Variants in PCNT observed in about 807,000 individuals in gnomAD.
PCNT encodes kendrin.
Under a neutral mutation model 380.4 loss-of-function variants are expected in PCNT, and 319 were observed. That is an observed-to-expected ratio of 0.84 (90% CI 0.77 to 0.92). PCNT has a LOEUF of 0.92. Among genes scored for constraint, PCNT ranks in the 40% least tolerant of loss-of-function variants. The probability of loss-of-function intolerance (pLI) is 0.00; values close to 1 mark genes in which losing one functional copy is unlikely to be tolerated. For missense variants in PCNT, 4,400 were observed against 4,255.3 expected (o/e 1.03, Z -0.95); for synonymous variants, 1,845 against 1,735.2 (o/e 1.06, Z -1.57).
chr21:46,434,644 C>T (rs991588328), intron 38 of PCNT, among the ~76,000 whole-genome samples: 6 of 152,212 alleles, frequency 3.9e-5, no homozygotes, highest in Admixed American at 6.5e-5. Context: ...CTTGCTGACA[C>T]GCTTCTCCCG....
chr21:46,382,217 A>G (rs1216486017), intron 16 of PCNT, among the ~76,000 whole-genome samples: 1 of 145,788 alleles, frequency 6.9e-6, no homozygotes, highest in Admixed American at 6.9e-5. Flanking sequence ...GCGGAAGCGC[A>G]TTCATAGTGT....
intron 16 of PCNT, among the ~76,000 whole-genome samples, chr21:46,385,408 A>G (rs538263092): frequency 8.7e-4 from 132 of 152,362 alleles, no homozygotes; most frequent in South Asian, 2.9e-3. Flanking sequence ...ATGACCAGAT[A>G]CAGTGACTTA....
rs1321867953 is a variant in PCNT, at chr21:46,411,547, A to G, written c.5474A>G (p.Gln1825Arg). 1.2e-6 allele frequency: 2 copies of G among 1,611,486 alleles called. No individual in the cohort carries two copies. Among genetic ancestry groups the G allele is most frequent in the South Asian group, 1.1e-5 (1 of 91,056 alleles). ...CTGGAGGCCCTGCAGCAGCGCCTCC[A>G]GGGCGCAGAGGAGGCTGCGGAGCTA... ...QALEALQQRL[Q>R]GAEEAAELQL... Residue 1825 changes from glutamine to arginine, a missense_variant, in exon 28 of 47, where the codon CAG becomes CGG. Coordinates refer to ENST00000359568, the MANE Select transcript of PCNT (RefSeq NM_006031.6).
chr21:46,377,034 C>T lies in PCNT; in HGVS notation c.3166-4660C>T, dbSNP rs188814143. 1.9e-3 allele frequency among the ~76,000 whole-genome samples: 283 copies of T among 152,284 alleles called. 1 individual carries two copies. The highest frequency in any genetic ancestry group is 0.017 in the Middle Eastern group (5 of 294). ...CCTGGCACCTCAGCAAGTTCCAGGC[C>T]GGCGCGGGGGGCACCCGATCCTTTA... is the stretch of plus-strand genomic sequence containing the variant. On this transcript the variant is annotated intron_variant, in intron 15 of 46. Coordinates refer to ENST00000359568, the MANE Select transcript of PCNT (RefSeq NM_006031.6).
chr21:46,440,418 G>A (rs905276679), intron 42 of PCNT, among the ~76,000 whole-genome samples: 30 of 152,360 alleles, frequency 2.0e-4, no homozygotes, highest in African/African-American at 6.3e-4. Context: ...AGCGTGGAAC[G>A]TGGAAGGCTT....
intron 27 of PCNT, among the ~76,000 whole-genome samples, chr21:46,406,150 C>T (rs540527957): frequency 6.6e-6 from 1 of 152,210 alleles, no homozygotes; most frequent in Non-Finnish European, 1.5e-5. Context: ...GGAAACGGAG[C>T]TCCCGTCTCC....
chr21:46,415,995 T>C (rs2087011975), intron 29 of PCNT, 74 bp from the exon 30 acceptor site: 2 of 1,464,152 alleles, frequency 1.4e-6, no homozygotes, highest in Non-Finnish European at 1.9e-6. Flanking sequence ...TGAAATCCAC[T>C]CATTAACACC....
chr21:46,372,367 T>C (rs2085180912), intron 15 of PCNT, among the ~76,000 whole-genome samples: 1 of 149,616 alleles, frequency 6.7e-6, no homozygotes, highest in African/African-American at 2.5e-5. Flanking sequence ...ACAGCACATG[T>C]TCATACAGCA....
At chr21:46,428,688 C>T in intron 35 of PCNT, 98 bp downstream of exon 35, 6 of 1,075,930 alleles carry the variant, frequency 5.6e-6, no homozygotes, top group Non-Finnish European at 8.2e-6. Context: ...GGTGACAGGG[C>T]ATCATCTAGT....
chr21:46,381,938 C>A (rs2085559507), intron 16 of PCNT, 98 bp downstream of exon 16: 1 of 1,284,876 alleles, frequency 7.8e-7, no homozygotes, highest in Non-Finnish European at 1.1e-6. Flanking sequence ...GGAGTGCACT[C>A]ATGGTGTTGT....
chr21:46,402,562 G>A (rs1222331905), intron 27 of PCNT, 79 bp downstream of exon 27: 15 of 1,474,602 alleles, frequency 1.0e-5, no homozygotes, highest in Middle Eastern at 3.7e-4. Context: ...GACCCTCATC[G>A]GGGAGGCGAG....
chr21:46,442,896 C>G (rs527593263), intron 44 of PCNT: 6 of 391,640 alleles, frequency 1.5e-5, no homozygotes, highest in South Asian at 1.4e-4. Context: ...CACTTCACGT[C>G]TCTTTCCTTG....
At chr21:46,389,830 C>A (rs1412742241) in intron 19 of PCNT, among the ~76,000 whole-genome samples, 1 of 152,216 alleles carries the variant, frequency 6.6e-6, no homozygotes, top group Non-Finnish European at 1.5e-5. Flanking sequence ...CTCCTGCAGT[C>A]CCAGCACTTT....
At chr21:46,362,153 A>AGCC in intron 13 of PCNT, among the ~76,000 whole-genome samples, 1 of 152,288 alleles carries the variant, frequency 6.6e-6, no homozygotes, top group South Asian at 2.1e-4. Flanking sequence ...TTGTAGCTTT[A>AGCC]GCCGGCTTGC....
chr21:46,443,977 C>G (rs761402986), intron 45 of PCNT, 29 bp downstream of exon 45: 1 of 1,604,410 alleles, frequency 6.2e-7, no homozygotes, highest in South Asian at 1.1e-5. Flanking sequence ...GGCCCCGTCT[C>G]CTGCCAGGGC....
Position 46,443,886 on chromosome 21 carries a change from C to T in PCNT, c.9777C>T (p.His3259=), listed in dbSNP as rs1040974809. The T allele has an allele frequency of 6.2e-7, 1 of 1,612,984 alleles. No homozygotes were observed. The highest frequency in any genetic ancestry group is 8.5e-7 in the Non-Finnish European group (1 of 1,179,988). The change falls in exon 45 of 47, where the codon CAC becomes CAT. Residue 3259 remains histidine (H), a synonymous_variant. Coordinates refer to ENST00000359568, the MANE Select transcript of PCNT (RefSeq NM_006031.6). ...SPPTRDVPSG[H]TRDPARGRRL... ...CAACCCGGGATGTACCCTCTGGCCA[C>T]ACCAGGGACCCTGCCAGAGGCCGCA...
chr21:46,393,718 C>T (rs888889064), intron 21 of PCNT, among the ~76,000 whole-genome samples: 1 of 152,212 alleles, frequency 6.6e-6, no homozygotes, highest in African/African-American at 2.4e-5. Flanking sequence ...TGTGTCGTGC[C>T]CTGGGCCTGA....
intron 16 of PCNT, 71 bp downstream of exon 16, chr21:46,381,911 T>C: frequency 1.3e-6 from 2 of 1,536,486 alleles, no homozygotes; most frequent in African/African-American, 1.4e-5. Context: ...TTTATTTCAG[T>C]GCACAGTTCA....
intron 2 of PCNT, 49 bp from the exon 3 acceptor site, chr21:46,334,348 A>T: frequency 1.9e-6 from 3 of 1,613,332 alleles, no homozygotes; most frequent in Non-Finnish European, 2.5e-6. Context: ...CTGAGGCTGC[A>T]GCCCTAGACC....
Sources: allele counts gnomAD v4.1 joint callset (sites outside exome capture counted in the v4.1 genomes callset), GRCh38; gene constraint gnomAD v4.1.1; transcripts MANE v1.5; gene names NCBI Gene and HGNC (gene_info 2026-07-23, HGNC 2026-07-21).